The following ATP9B variants were observed in gnomAD, a reference collection of about 807,000 sequenced individuals.
ATP9B encodes probable phospholipid-transporting ATPase IIB.
Under a neutral mutation model 146.1 loss-of-function variants are expected in ATP9B, and 110 were observed. That is an observed-to-expected ratio of 0.75 (90% CI 0.65 to 0.88). ATP9B has a LOEUF of 0.88. Among genes scored for constraint, ATP9B ranks in the 40% least tolerant of loss-of-function variants. The pLI is 0.00. For synonymous variants in ATP9B, 604 were observed against 569.7 expected, an observed-to-expected ratio of 1.06 and a Z score of -0.86; for missense variants, 1,499 against 1,496.4, an observed-to-expected ratio of 1.00 and a Z score of -0.03.
chr18:79,258,881 G>A (rs565705194), intron 12 of ATP9B, among the ~76,000 whole-genome samples: 161 of 152,176 alleles, frequency 1.1e-3, no homozygotes, highest in Non-Finnish European at 1.5e-3. Flanking sequence ...ACTGATTTGG[G>A]AAATTAAAGT....
intron 13 of ATP9B, among the ~76,000 whole-genome samples, chr18:79,289,510 A>C (rs2096480234): frequency 6.6e-6 from 1 of 152,190 alleles, no homozygotes; most frequent in African/African-American, 2.4e-5. Flanking sequence ...CTAGTTATAC[A>C]TTCGTCTAAA....
chr18:79,332,169 C>G (rs1216572562), intron 17 of ATP9B, among the ~76,000 whole-genome samples: 1 of 152,252 alleles, frequency 6.6e-6, no homozygotes, highest in Non-Finnish European at 1.5e-5. Context: ...GTGGCTTACG[C>G]CTGTAATGCC....
chr18:79,190,319 G>A (rs1015531851), intron 8 of ATP9B, among the ~76,000 whole-genome samples: 8 of 151,970 alleles, frequency 5.3e-5, no homozygotes, highest in African/African-American at 2.4e-5. Flanking sequence ...AAATTCTAGG[G>A]TATGTGGTGT....
chr18:79,201,354 G>A (rs2095485863), intron 9 of ATP9B, among the ~76,000 whole-genome samples: 1 of 152,152 alleles, frequency 6.6e-6, no homozygotes, highest in Non-Finnish European at 1.5e-5. Context: ...TATCAACTGG[G>A]CATTGTTAAG....
intron 15 of ATP9B, among the ~76,000 whole-genome samples, chr18:79,321,402 A>G (rs2096715177): frequency 9.0e-6 from 1 of 110,816 alleles, no homozygotes; most frequent in South Asian, 2.8e-4. Context: ...TTTTTTTTTG[A>G]GGCAGAGTCT....
At chr18:79,189,451 A>T (rs1009009342) in intron 8 of ATP9B, among the ~76,000 whole-genome samples, 19 of 152,008 alleles carry the variant, frequency 1.2e-4, no homozygotes, top group African/African-American at 4.6e-4. Context: ...TCAATCCCCC[A>T]CGCAGTCAAA....
At chr18:79,200,727 G>GTCGGGGTCAGAGCAGAGGTGGAGGTGGGT in intron 9 of ATP9B, among the ~76,000 whole-genome samples, 2 of 45,570 alleles carry the variant, frequency 4.4e-5, no homozygotes, top group Admixed American at 2.2e-4. Context: ...TGGAGGTGGG[G>GTCGGGGTCAGAGCAGAGGTGGAGGTGGGT]ACTGTCGGGG....
chr18:79,112,297 G>T (rs1043583255), intron 3 of ATP9B, among the ~76,000 whole-genome samples: 1 of 152,158 alleles, frequency 6.6e-6, no homozygotes, highest in Non-Finnish European at 1.5e-5. Flanking sequence ...TAATTGTAGT[G>T]TGCTGTTTGA....
chr18:79,162,966 G>C (rs2094906598), intron 7 of ATP9B, among the ~76,000 whole-genome samples: 1 of 152,180 alleles, frequency 6.6e-6, no homozygotes, highest in African/African-American at 2.4e-5. Context: ...TTGTCATTAA[G>C]CCTGTTGACT....
chr18:79,339,506 C>T (rs781047827), intron 19 of ATP9B, among the ~76,000 whole-genome samples: 87 of 149,740 alleles, frequency 5.8e-4, no homozygotes, highest in South Asian at 1.9e-3. Context: ...GTGTCATGAT[C>T]GTAGTAGGAA....
At chr18:79,334,844 G>A (rs547543016) in intron 17 of ATP9B, among the ~76,000 whole-genome samples, 11 of 143,246 alleles carry the variant, frequency 7.7e-5, no homozygotes, top group African/African-American at 2.4e-4. Flanking sequence ...CTGCCCAGTC[G>A]CCCACACCGC....
chr18:79,348,005 T>A, intron 24 of ATP9B, 80 bp downstream of exon 24: 1 of 1,597,092 alleles, frequency 6.3e-7, no homozygotes, highest in Non-Finnish European at 8.5e-7. Context: ...GGTCCGGGAG[T>A]GGGGGTGCTG....
intron 15 of ATP9B, among the ~76,000 whole-genome samples, chr18:79,323,773 G>T (rs2096729167): frequency 6.6e-6 from 1 of 152,162 alleles, no homozygotes; most frequent in Admixed American, 6.5e-5. Context: ...ACGTAGGGGT[G>T]CCGAGATCTC....
intron 6 of ATP9B, among the ~76,000 whole-genome samples, chr18:79,148,375 G>A (rs2094626300): frequency 6.6e-6 from 1 of 152,192 alleles, no homozygotes; most frequent in African/African-American, 2.4e-5. Flanking sequence ...GTTGGTATCA[G>A]CAGTATATAA....
In ATP9B at chr18:79,277,209, G is replaced by A; in HGVS notation, c.1411+13G>A. ...ACAGACAAAACAGGTACTGTTCGTG[G>A]TCTGTGTTCACCTTTGAATGGACAA... On this transcript the variant is annotated intron_variant, in intron 13 of 29. Coordinates refer to ENST00000426216, the MANE Select transcript of ATP9B (RefSeq NM_198531.5). 1.9e-6 allele frequency: 3 copies of A among 1,614,082 alleles called. 1 individual carries two copies. The Middle Eastern group carries it at 4.9e-4, about 266-fold the overall frequency.
Position 79,366,636 on chromosome 18 carries a change from G to A in ATP9B, c.3013-6189G>A, listed in dbSNP as rs559699454. Among the ~76,000 whole-genome samples, 477 of 152,306 alleles carry A rather than the reference G, an allele frequency of 3.1e-3. 2 individuals carry two copies. The highest frequency in any genetic ancestry group is 0.011 in the African/African-American group (464 of 41,554). On this transcript the variant is annotated intron_variant, in intron 26 of 29. Coordinates refer to ENST00000426216, the MANE Select transcript of ATP9B (RefSeq NM_198531.5). ...GATGAAGAAATAAACACGGACATGT[G>A]TGAGCATGACTTAGTAAACACACAC... is the stretch of plus-strand genomic sequence containing the variant.
In ATP9B at chr18:79,112,603, A is replaced by G. The variant is rs966160685; in HGVS notation, c.445-638A>G. ...TCTTGAAAACTGGTCTGCAATTACAACTTCTTATATTTTATCATTTTTAAT... is the reference window on the plus strand; with the variant it reads ...TCTTGAAAACTGGTCTGCAATTACAGCTTCTTATATTTTATCATTTTTAAT... On this transcript the variant is annotated intron_variant, in intron 3 of 29. Coordinates refer to ENST00000426216, the MANE Select transcript of ATP9B (RefSeq NM_198531.5). Among the ~76,000 whole-genome samples, 6 of 152,088 alleles carry G rather than the reference A, an allele frequency of 3.9e-5. No homozygotes were observed. In the East Asian group the frequency reaches 5.8e-4, roughly 15 times the overall value.
At chr18:79,126,533 G>A (rs2094290054) in intron 5 of ATP9B, among the ~76,000 whole-genome samples, 158 bp downstream of exon 5, 1 of 152,100 alleles carries the variant, frequency 6.6e-6, no homozygotes, top group African/African-American at 2.4e-5. Flanking sequence ...AATGTATAAT[G>A]CAATTTTAGG....
intron 1 of ATP9B, chr18:79,087,280 G>C (rs2073927045): frequency 6.6e-6 from 1 of 152,230 alleles, no homozygotes; most frequent in South Asian, 2.1e-4. Flanking sequence ...TATCTTCTAA[G>C]ACTGTTGCAT....
Sources: allele counts gnomAD v4.1 joint callset (sites outside exome capture counted in the v4.1 genomes callset), GRCh38; gene constraint gnomAD v4.1.1; transcripts MANE v1.5; gene names NCBI Gene and HGNC (gene_info 2026-07-23, HGNC 2026-07-21).